Variants in MNT observed in about 807,000 individuals in gnomAD.
The protein encoded by MNT is max-binding protein MNT.
In MNT, 13 loss-of-function variants were observed where a neutral mutation model predicts 40.7. The ratio of observed to expected loss-of-function variants is 0.32; its 90% CI spans 0.21 to 0.51. The LOEUF (loss-of-function observed/expected upper bound fraction) is 0.51. MNT is among the 20% of genes least tolerant of loss of function. MNT has a pLI of 0.98. For synonymous variants in MNT, 426 were observed against 354.8 expected, an observed-to-expected ratio of 1.20 and a Z score of -2.26; for missense variants, 757 against 792.0, an observed-to-expected ratio of 0.96 and a Z score of 0.53.
At position 2,400,915 on chromosome 17, in the gene MNT, T is replaced by C. The variant is rs1251771674; in HGVS notation, c.-203A>G. The C allele has an allele frequency of 2.0e-5, 8 of 402,082 alleles. No individual in the cohort carries two copies. The highest frequency in any genetic ancestry group is 6.4e-4 in the Middle Eastern group (1 of 1,562). The allele number at this position is 402,082 out of a possible 1,614,324, so 24.9% of individuals were successfully genotyped here. ...CTCAAAATATTTGCAAAATATAAAA[T>C]TGCAAATTTAAAAAAATGGGATGCA... On this transcript the variant is annotated 5_prime_UTR_variant, in exon 1 of 6. Coordinates refer to ENST00000174618, the MANE Select transcript of MNT (RefSeq NM_020310.3).
At chr17:2,391,720 G>C (rs888276368) in intron 4 of MNT, 1 of 152,278 alleles carries the variant, frequency 6.6e-6, no homozygotes, top group Non-Finnish European at 1.5e-5. Context: ...AACAACCAAA[G>C]CTCCCAGTCT....
In MNT at chr17:2,395,527, A is replaced by C. The variant is rs187287348; in HGVS notation, c.74-73T>G. 5.2e-4 allele frequency: 833 copies of C among 1,590,612 alleles called. 4 individuals carry two copies. In the African/African-American group the frequency reaches 9.8e-3, roughly 19 times the overall value. On this transcript the variant is annotated intron_variant, in intron 1 of 5. Transcript: ENST00000174618. ...AACTCCAGCCCTAACTCGTCCTCTGACCCTAGCCCAGTCAGTACTCAGTGA... is the reference window on the plus strand; with the variant it reads ...AACTCCAGCCCTAACTCGTCCTCTGCCCCTAGCCCAGTCAGTACTCAGTGA...
rs888095268 is a variant in MNT at position 2,387,034 on chromosome 17, GC to G, written c.1615del (p.Ala539LeufsTer28). ...VNGTAGLGPP[A>X]TVMAKPAVGA... is the part of the protein sequence containing the mutation. ...CACGGCCGGCTTTGCCATGACAGTA[GC>G]CGGGGGCCCCAGGCCGGCCGTGCCG... On this transcript the variant is annotated frameshift_variant, in exon 6 of 6. Transcript: ENST00000174618. LOFTEE classifies it high-confidence loss of function. 6.4e-7 allele frequency: 1 copy of G among 1,551,740 alleles called. No homozygotes were observed. Among genetic ancestry groups the G allele is most frequent in the African/African-American group, 1.4e-5 (1 of 73,520 alleles).
At chr17:2,393,957 T>TGAGGGCGGGGCGGGGCGC in intron 4 of MNT, 86 bp downstream of exon 4, 2 of 787,858 alleles carry the variant, frequency 2.5e-6, no homozygotes, top group Non-Finnish European at 1.8e-6. Flanking sequence ...CGCCGGGGCG[T>TGAGGGCGGGGCGGGGCGC]GAGGGCGGGG....
Position 2,386,897 on chromosome 17 carries a change from G to A in MNT, c.*4C>T, listed in dbSNP as rs772677884. On this transcript the variant is annotated 3_prime_UTR_variant, in exon 6 of 6. Coordinates refer to ENST00000174618, the MANE Select transcript of MNT (RefSeq NM_020310.3). Reference sequence around the variant, plus strand: ...CCACTGGGGGCCTCTGAGTGGCCTCGTCCTCAAGCCAGCTTGAGTGTGCTG... The same window carrying A: ...CCACTGGGGGCCTCTGAGTGGCCTCATCCTCAAGCCAGCTTGAGTGTGCTG... 1.3e-5 allele frequency: 19 copies of A among 1,462,350 alleles called. No individual in the cohort carries two copies. In the Admixed American group the frequency reaches 1.6e-4, roughly 13 times the overall value. The allele number at this position is 1,462,350 out of a possible 1,614,324, so 90.6% of individuals were successfully genotyped here. A position where few individuals can be genotyped will look rare whatever the true frequency, so the allele number is the denominator to read the frequency against.
intron 4 of MNT, chr17:2,390,014 C>T (rs1176824928): frequency 1.3e-5 from 2 of 152,100 alleles, no homozygotes; most frequent in African/African-American, 4.8e-5. Context: ...AAATACGAGG[C>T]TGAAAGATAG....
rs1243000518 is a variant in MNT at position 2,400,628 on chromosome 17, C to T, written c.73+12G>A. 15 of 1,575,536 alleles carry T rather than the reference C, an allele frequency of 9.5e-6. No individual in the cohort carries two copies. The highest frequency in any genetic ancestry group is 1.3e-5 in the Non-Finnish European group (15 of 1,164,992). On this transcript the variant is annotated intron_variant, in intron 1 of 5. Transcript: ENST00000174618. ...TTCCCCAGTGCCCCAGGGGCCCAGCCCGGCCGCTCACCACGTGCTCTCTGT... is the reference window on the plus strand; with the variant it reads ...TTCCCCAGTGCCCCAGGGGCCCAGCTCGGCCGCTCACCACGTGCTCTCTGT...
chr17:2,391,897 C>T (rs2066518704), intron 4 of MNT: 3 of 152,250 alleles, frequency 2.0e-5, no homozygotes, highest in Non-Finnish European at 2.9e-5. Flanking sequence ...CTTGGCCTCC[C>T]GAGTAGCGTA....
rs2066445464 is a variant in MNT, at chr17:2,384,929, G to A, written c.*1972C>T. On this transcript the variant is annotated 3_prime_UTR_variant, in exon 6 of 6. Transcript: ENST00000174618. ...CAGGCCCGGGGGCCACTGGCCTCAG[G>A]ATGCAGGGAGAGGTGGGCAGGCTGA... 6.6e-6 allele frequency: 1 copy of A among 152,602 alleles called. No homozygotes were observed. Among genetic ancestry groups the A allele is most frequent in the African/African-American group, 2.4e-5 (1 of 41,444 alleles). The allele number at this position is 152,602 out of a possible 1,614,324, so 9.5% of individuals were successfully genotyped here.
In MNT at chr17:2,400,742, G is replaced by T. The variant is rs777659518; in HGVS notation, c.-30C>A. ...CCGAGAGCTGCCGGGGGCGCGCCGG[G>T]GCCGAGGCTGCGGCCCGCGAGCCGG... On this transcript the variant is annotated 5_prime_UTR_variant, in exon 1 of 6. Transcript: ENST00000174618. 6.4e-5 allele frequency: 97 copies of T among 1,510,694 alleles called. No homozygotes were observed. The highest frequency in any genetic ancestry group is 1.5e-5 in the Non-Finnish European group (17 of 1,135,842). 93.6% of individuals were successfully genotyped at this position (1,510,694 alleles called of 1,614,324 possible).
intron 1 of MNT, among the ~76,000 whole-genome samples, chr17:2,397,569 T>TG (rs1247754161): frequency 3.3e-5 from 5 of 152,140 alleles, no homozygotes; most frequent in Admixed American, 6.5e-5. Context: ...AAAGCTCACC[T>TG]GGGAGGTAGC....
At chr17:2,396,610 C>G (rs1319391786) in intron 1 of MNT, 1 of 152,486 alleles carries the variant, frequency 6.6e-6, no homozygotes, top group Non-Finnish European at 1.5e-5. Flanking sequence ...GAAGGCAAGG[C>G]CCACTCAGGA....
intron 4 of MNT, 141 bp downstream of exon 4, chr17:2,393,902 T>A (rs1355249595): frequency 1.1e-5 from 5 of 443,310 alleles, no homozygotes; most frequent in African/African-American, 2.1e-5. Context: ...AGCCGGGCCA[T>A]GTGCTCAGCG....
chr17:2,397,516 G>A (rs770326397), intron 1 of MNT, among the ~76,000 whole-genome samples: 1 of 152,144 alleles, frequency 6.6e-6, no homozygotes, highest in African/African-American at 2.4e-5. Flanking sequence ...TGGGACCCTA[G>A]AGTGCAAGCC....
Position 2,400,838 on chromosome 17 carries a change from A to G in MNT, c.-126T>C. ...GGGGGGCGACAGGGCTGGGCGGCGCAGCGCACTCCGCAGGGAAGAACGGGG... is the reference window on the plus strand; with the variant it reads ...GGGGGGCGACAGGGCTGGGCGGCGCGGCGCACTCCGCAGGGAAGAACGGGG... On this transcript the variant is annotated 5_prime_UTR_variant, in exon 1 of 6. Coordinates refer to ENST00000174618, the MANE Select transcript of MNT (RefSeq NM_020310.3). 1.6e-6 allele frequency: 1 copy of G among 625,992 alleles called. No individual in the cohort carries two copies. Among genetic ancestry groups the G allele is most frequent in the Non-Finnish European group, 2.5e-6 (1 of 396,346 alleles). 38.8% of individuals were successfully genotyped at this position (625,992 alleles called of 1,614,324 possible). A position where few individuals can be genotyped will look rare whatever the true frequency, so the allele number is the denominator to read the frequency against.
Position 2,395,214 on chromosome 17 carries a change from G to A in MNT, c.314C>T (p.Pro105Leu). 1 of 1,469,246 alleles carries A rather than the reference G, an allele frequency of 6.8e-7. No homozygotes were observed. Among genetic ancestry groups the A allele is most frequent in the Non-Finnish European group, 9.0e-7 (1 of 1,110,148 alleles). 91.0% of individuals were successfully genotyped at this position (1,469,246 alleles called of 1,614,324 possible). Reference sequence around the variant, plus strand: ...AGGCTGGGCTGCCGCGGGCAAGGGTGGGGGTGGGGGTAGAGGCTGAGGGGA... The same window carrying A: ...AGGCTGGGCTGCCGCGGGCAAGGGTAGGGGTGGGGGTAGAGGCTGAGGGGA... ...TNSPQPLPPP[P>L]PLPAAAQPLP... The change falls in exon 2 of 6, where the codon CCA becomes CTA. Residue 105 changes from proline (P) to leucine (L), a missense_variant. By Grantham distance (98) the Pro-to-Leu change is moderately conservative. Transcript: ENST00000174618.
chr17:2,395,385 C>T lies in MNT; in HGVS notation c.143G>A (p.Arg48Lys). The T allele has an allele frequency of 6.2e-7, 1 of 1,613,686 alleles. No homozygotes were observed. Among genetic ancestry groups the T allele is most frequent in the South Asian group, 1.1e-5 (1 of 91,078 alleles). Residue 48 changes from arginine to lysine, a missense_variant, in exon 2 of 6, where the codon AGG (arginine) becomes AAG (lysine). Transcript: ENST00000174618. ...QEQKKANSLA[R>K]LAHTLPVEEP... ...CTCCACAGGAAGGGTATGTGCCAGC[C>T]TGGCCAGGCTATTGGCCTTCTTCTG...
chr17:2,387,427 G>C lies in MNT; in HGVS notation c.1223C>G (p.Pro408Arg). ...CGGTGGGGGAGGAGGGGCTGGCAGA[G>C]GGGTCTTCTGCTGTGGCTGCTGCTG... ...VQQQQPQQKT[P>R]LPAPPPPPAA... Residue 408 changes from proline (P) to arginine (R), a missense_variant, in exon 6 of 6, where the codon CCT becomes CGT. Coordinates refer to ENST00000174618, the MANE Select transcript of MNT (RefSeq NM_020310.3). 1.2e-6 allele frequency: 2 copies of C among 1,612,114 alleles called. No individual in the cohort carries two copies. The highest frequency in any genetic ancestry group is 1.7e-6 in the Non-Finnish European group (2 of 1,178,942).
At position 2,387,012 on chromosome 17, in the gene MNT, G is replaced by A. The variant is rs994132495; in HGVS notation, c.1638C>T (p.Ala546=). The change falls in exon 6 of 6, where the codon GCC becomes GCT. Residue 546 remains alanine (A), a synonymous_variant. Coordinates refer to ENST00000174618, the MANE Select transcript of MNT (RefSeq NM_020310.3). ...GPPATVMAKP[A]VGAQVVHHPQ... ...GGTGGTGCACCACCTGAGCCCCCAC[G>A]GCCGGCTTTGCCATGACAGTAGCCG... The A allele has an allele frequency of 4.2e-5, 64 of 1,537,450 alleles. No individual in the cohort carries two copies. The highest frequency in any genetic ancestry group is 2.0e-4 in the African/African-American group (15 of 73,422).
Sources: allele counts gnomAD v4.1 joint callset (sites outside exome capture counted in the v4.1 genomes callset), GRCh38; gene constraint gnomAD v4.1.1; transcripts MANE v1.5; gene names NCBI Gene and HGNC (gene_info 2026-07-23, HGNC 2026-07-21).